TNRC6A: variants seen among roughly 807,000 people sequenced by gnomAD.
TNRC6A encodes trinucleotide repeat-containing gene 6A protein.
TNRC6A carries 44 observed loss-of-function variants against 221.2 expected under a neutral mutation model. That is an observed-to-expected ratio of 0.20 (90% CI 0.16 to 0.26). The LOEUF is 0.26. TNRC6A is among the 10% of genes least tolerant of loss of function. The pLI, the probability that TNRC6A is intolerant of heterozygous loss-of-function variation, is 1.00. For missense variants in TNRC6A, 2,199 were observed against 2,404.4 expected, an observed-to-expected ratio of 0.91 and a Z score of 1.79; for synonymous variants, 847 against 838.5, an observed-to-expected ratio of 1.01 and a Z score of -0.18.
Position 24,804,786 on chromosome 16 carries a change from C to G in TNRC6A, c.3919C>G (p.Leu1307Val), listed in dbSNP as rs760958951. ...GAAGCTTCCCCCTTCAAATAGTGCA[C>G]TACCTAACCAGGCCCTTGGCTCCAT... ...SMKLPPSNSA[L>V]PNQALGSIAG... The change falls in exon 13 of 25, where the codon CTA (leucine) becomes GTA (valine). Residue 1307 changes from leucine to valine, a missense_variant. Leu to Val is a conservative substitution (Grantham distance 32). This residue lies in a region of TNRC6A where 158 missense variants were observed against 159.1 expected (regional missense o/e 0.99). Coordinates refer to ENST00000395799, the MANE Select transcript of TNRC6A (RefSeq NM_014494.4). 1 of 1,609,772 alleles carries G rather than the reference C, an allele frequency of 6.2e-7. No homozygotes were observed. The highest frequency in any genetic ancestry group is 1.3e-5 in the African/African-American group (1 of 74,674).
At position 24,788,704 on chromosome 16, in the gene TNRC6A, A is replaced by T. The variant is rs1324630532; in HGVS notation, c.590-528A>T. ...CGCTCTGTCACCCAGGCTGGAGTGC[A>T]GTGGCACTATCTCCGCTCACTGCAA... On this transcript the variant is annotated intron_variant, in intron 5 of 24. Coordinates refer to ENST00000395799, the MANE Select transcript of TNRC6A (RefSeq NM_014494.4). Among the ~76,000 whole-genome samples, 4 of 146,156 alleles carry T rather than the reference A, an allele frequency of 2.7e-5. No individual in the cohort carries two copies. The Admixed American group carries it at 2.8e-4, about 10-fold the overall frequency.
intron 2 of TNRC6A, among the ~76,000 whole-genome samples, chr16:24,699,561 T>G (rs559154558): frequency 6.6e-6 from 1 of 151,792 alleles, no homozygotes; most frequent in African/African-American, 2.4e-5. Context: ...CTACAAAAAA[T>G]TTTTAAAATG....
intron 2 of TNRC6A, among the ~76,000 whole-genome samples, chr16:24,740,556 G>A (rs1220253711): frequency 2.0e-5 from 3 of 152,110 alleles, no homozygotes; most frequent in Non-Finnish European, 2.9e-5. Context: ...TGATGCTATT[G>A]TAGGTGGAAT....
At chr16:24,736,024 G>T (rs1049143767) in intron 2 of TNRC6A, among the ~76,000 whole-genome samples, 13 of 152,120 alleles carry the variant, frequency 8.5e-5, no homozygotes, top group Non-Finnish European at 1.5e-4. Flanking sequence ...AATTAGCCTG[G>T]TGTGGTGGCA....
At chr16:24,776,263 G>A (rs2057716149) in intron 4 of TNRC6A, 5 of 984,562 alleles carry the variant, frequency 5.1e-6, no homozygotes, top group East Asian at 1.1e-4. Context: ...TGCAGTTTCC[G>A]ATTTATTTTT....
intron 2 of TNRC6A, among the ~76,000 whole-genome samples, chr16:24,715,987 A>T (rs1228257473): frequency 6.6e-6 from 1 of 151,956 alleles, no homozygotes; most frequent in Non-Finnish European, 1.5e-5. Flanking sequence ...AAGCATGACC[A>T]TCCATAGATC....
chr16:24,727,257 GA>G (rs2056508039), upstream of TNRC6A, among the ~76,000 whole-genome samples: 1 of 152,124 alleles, frequency 6.6e-6, no homozygotes, highest in Non-Finnish European at 1.5e-5. Context: ...TCAAACTCCT[GA>G]CCTCAGATGA....
At chr16:24,797,278 A>C (rs1334066518) in intron 9 of TNRC6A, among the ~76,000 whole-genome samples, 2 of 152,162 alleles carry the variant, frequency 1.3e-5, no homozygotes, top group Non-Finnish European at 2.9e-5. Context: ...TTCTCTGTAC[A>C]TTACAGCTAT....
intron 1 of TNRC6A, among the ~76,000 whole-genome samples, chr16:24,635,670 C>T (rs1901603832): frequency 6.6e-6 from 1 of 152,186 alleles, no homozygotes; most frequent in Non-Finnish European, 1.5e-5. Flanking sequence ...TCAGGGAAAA[C>T]AATTACCATT....
In TNRC6A at chr16:24,823,033, C is replaced by T. The variant is rs1567528641; in HGVS notation, c.5513+20C>T. The T allele has an allele frequency of 6.2e-7, 1 of 1,614,122 alleles. No individual in the cohort carries two copies. The highest frequency in any genetic ancestry group is 8.5e-7 in the Non-Finnish European group (1 of 1,180,000). On this transcript the variant is annotated intron_variant, in intron 24 of 24. Transcript: ENST00000395799. This position sits in a 1 kb window ranked among gnomAD's most constrained non-coding sequence, Gnocchi z 4.3. ...GCACATGTAAGTTGGCTGTTGGGCTCCCAGTTGGAAGAGTCTAGGGGAAGG... is the reference window on the plus strand; with the variant it reads ...GCACATGTAAGTTGGCTGTTGGGCTTCCAGTTGGAAGAGTCTAGGGGAAGG...
At chr16:24,758,237 G>A (rs2057291796) in intron 3 of TNRC6A, 102 bp from the exon 4 acceptor site, 1 of 1,124,856 alleles carries the variant, frequency 8.9e-7, no homozygotes, top group Non-Finnish European at 1.3e-6. Flanking sequence ...GTTTAATAAA[G>A]GTGTATATGT....
At chr16:24,816,570 G>C (rs1019945635) in intron 19 of TNRC6A, 1 of 443,194 alleles carries the variant, frequency 2.3e-6, no homozygotes, top group African/African-American at 2.0e-5. Flanking sequence ...TATGTTACGT[G>C]TGTGTGTGGG....
chr16:24,659,374 ATCTG>A (rs2054981633), intron 2 of TNRC6A, among the ~76,000 whole-genome samples: 1 of 151,790 alleles, frequency 6.6e-6, no homozygotes, highest in Non-Finnish European at 1.5e-5. Flanking sequence ...TTTTTCTTTG[ATCTG>A]TCTGTCTCTG....
chr16:24,619,732 G>A (rs192061758), intron 1 of TNRC6A, among the ~76,000 whole-genome samples: 1 of 152,300 alleles, frequency 6.6e-6, no homozygotes, highest in Non-Finnish European at 1.5e-5. Flanking sequence ...CTGACACGGG[G>A]AACAAGACAG....
chr16:24,621,523 A>C (rs1451489771), intron 1 of TNRC6A, among the ~76,000 whole-genome samples: 11 of 151,354 alleles, frequency 7.3e-5, no homozygotes, highest in Non-Finnish European at 1.5e-5. Flanking sequence ...ACACCCAACT[A>C]ATTTTTGTAT....
chr16:24,789,494 G>T lies in TNRC6A; in HGVS notation c.852G>T (p.Arg284=). The change falls in exon 6 of 25, where the codon CGG becomes CGT. Residue 284 remains arginine (R), a synonymous_variant. Coordinates refer to ENST00000395799, the MANE Select transcript of TNRC6A (RefSeq NM_014494.4). ...CAGGTGGTGAAAAAGATGGCCTTCG[G>T]AATAGCACTGGACTTGGTTCCCAAA... ...GNTGGEKDGL[R]NSTGLGSQNK... The T allele has an allele frequency of 6.2e-7, 1 of 1,614,180 alleles. No individual in the cohort carries two copies. Among genetic ancestry groups the T allele is most frequent in the South Asian group, 1.1e-5 (1 of 91,076 alleles).
intron 4 of TNRC6A, among the ~76,000 whole-genome samples, chr16:24,768,800 A>G (rs2057530450): frequency 6.6e-6 from 1 of 152,246 alleles, no homozygotes; most frequent in South Asian, 2.1e-4. Flanking sequence ...GAAGATTTAC[A>G]AAGTAGCCAA....
chr16:24,674,448 G>A (rs2055367125), intron 2 of TNRC6A, among the ~76,000 whole-genome samples: 3 of 152,058 alleles, frequency 2.0e-5, no homozygotes, highest in Non-Finnish European at 2.9e-5. Flanking sequence ...AGTATGAAAT[G>A]ATTCAGCGTG....
At chr16:24,679,070 C>T (rs182705525) in intron 2 of TNRC6A, among the ~76,000 whole-genome samples, 63 of 151,398 alleles carry the variant, frequency 4.2e-4, no homozygotes, top group African/African-American at 7.3e-4. Context: ...ACAATCTCCG[C>T]TCACCGCAAC....
Sources: gnomAD v4.1 joint callset for allele counts (sites outside exome capture counted in the v4.1 genomes callset) on GRCh38, gnomAD v4.1.1 for gene constraint, gnomAD v4.1.1 regional missense constraint, Gnocchi (gnomAD v3.1) non-coding constraint, MANE v1.5 for transcripts, NCBI Gene and HGNC (gene_info 2026-07-23, HGNC 2026-07-21) for gene names.